The following USP24 variants were observed in gnomAD, a reference collection of about 807,000 sequenced individuals.
USP24 encodes the protein ubiquitin specific peptidase 24.
A neutral mutation model predicts 361.6 loss-of-function variants in USP24; 97 were observed. The ratio of observed to expected loss-of-function variants is 0.27; its 90% CI spans 0.23 to 0.32. USP24 has a LOEUF of 0.32. Among genes scored for constraint, USP24 ranks in the 10% least tolerant of loss-of-function variants. USP24 has a pLI of 1.00. For missense variants in USP24, 2,353 were observed against 3,165.6 expected, an observed-to-expected ratio of 0.74 and a Z score of 6.16; for synonymous variants, 1,098 against 1,124.6, an observed-to-expected ratio of 0.98 and a Z score of 0.47.
Position 55,106,322 on chromosome 1 carries a change from T to C in USP24, c.4763-59A>G, listed in dbSNP as rs577102133. On this transcript the variant is annotated intron_variant, in intron 40 of 67. Transcript: ENST00000294383. ...AACACATATTTTAATTCAAAGATCCTATCTTGCACTTTCTTATCAGAGCAG... is the reference window on the plus strand; with the variant it reads ...AACACATATTTTAATTCAAAGATCCCATCTTGCACTTTCTTATCAGAGCAG... 1.9e-4 allele frequency: 252 copies of C among 1,344,434 alleles called. 5 individuals are homozygous for C. In the South Asian group the frequency reaches 2.9e-3, roughly 15 times the overall value. The allele number at this position is 1,344,434 out of a possible 1,614,324, so 83.3% of individuals were successfully genotyped here. A position where few individuals can be genotyped will look rare whatever the true frequency, so the allele number is the denominator to read the frequency against.
intron 63 of USP24, 131 bp downstream of exon 63, chr1:55,075,325 GC>G: frequency 1.3e-6 from 1 of 776,512 alleles, no homozygotes; most frequent in Non-Finnish European, 2.0e-6. Flanking sequence ...GAGCCCAGTG[GC>G]CCTGACCAGA....
intron 1 of USP24, among the ~76,000 whole-genome samples, chr1:55,209,555 C>T (rs1362778246): frequency 6.6e-6 from 1 of 152,190 alleles, no homozygotes; most frequent in African/African-American, 2.4e-5. Flanking sequence ...GAGCTCATCA[C>T]CTTGTGTTTA....
In USP24 at chr1:55,120,740, C is replaced by T; in HGVS notation, c.4364G>A (p.Cys1455Tyr). The T allele has an allele frequency of 6.4e-7, 1 of 1,571,308 alleles. No individual in the cohort carries two copies. Among genetic ancestry groups the T allele is most frequent in the Non-Finnish European group, 8.6e-7 (1 of 1,158,048 alleles). ...CTGACTAAGAGTGTACAGCTGATCA[C>T]AGGCAACCCGGCGAATCTGAAATTA... is the stretch of plus-strand genomic sequence containing the variant. ...SPSAEIRRVACDQLYTLSQTD... is the reference protein window; with the variant it reads ...SPSAEIRRVAYDQLYTLSQTD... The change falls in exon 38 of 68, where the codon TGT becomes TAT. Residue 1455 changes from cysteine to tyrosine, a missense_variant. Transcript: ENST00000294383.
intron 1 of USP24, among the ~76,000 whole-genome samples, chr1:55,208,656 C>T (rs142588030): frequency 2.7e-5 from 4 of 150,760 alleles, no homozygotes; most frequent in African/African-American, 9.8e-5. Context: ...CAAAAAACAG[C>T]GCTGGGCACG....
chr1:55,101,271 T>C (rs1029658893), intron 43 of USP24, among the ~76,000 whole-genome samples: 1 of 152,208 alleles, frequency 6.6e-6, no homozygotes, highest in African/African-American at 2.4e-5. Flanking sequence ...AAAGTGCTCA[T>C]GGTAGACCCT....
chr1:55,131,756 G>C (rs922021019), intron 31 of USP24, among the ~76,000 whole-genome samples: 1 of 152,148 alleles, frequency 6.6e-6, no homozygotes, highest in Non-Finnish European at 1.5e-5. Context: ...TTTGACTTTT[G>C]TGTACTTAAG....
At chr1:55,147,453 AAAAAAAAGATGTT>A (rs1444911289) in intron 18 of USP24, among the ~76,000 whole-genome samples, 183 bp downstream of exon 18, 1 of 152,024 alleles carries the variant, frequency 6.6e-6, no homozygotes, top group African/African-American at 2.4e-5. Context: ...GATCAAAGAC[AAAAAAAAGATGTT>A]TATTCCTTCA....
intron 1 of USP24, 104 bp downstream of exon 1, chr1:55,214,686 G>A: frequency 1.0e-6 from 1 of 984,080 alleles, no homozygotes; most frequent in Non-Finnish European, 1.3e-6. Flanking sequence ...TAAAGCCCCA[G>A]TCGAATGCCC....
chr1:55,146,805 G>A, intron 19 of USP24, 124 bp downstream of exon 19: 1 of 1,138,750 alleles, frequency 8.8e-7, no homozygotes, highest in Non-Finnish European at 1.2e-6. Context: ...AGCACTTACA[G>A]TTCTTGGCCC....
chr1:55,176,194 A>G (rs975824840), intron 3 of USP24, among the ~76,000 whole-genome samples, 182 bp downstream of exon 3: 1 of 152,238 alleles, frequency 6.6e-6, no homozygotes, highest in African/African-American at 2.4e-5. Flanking sequence ...TAAAAGAAGT[A>G]AATCATTTAT....
chr1:55,207,482 T>C (rs906632860), intron 1 of USP24, among the ~76,000 whole-genome samples: 1 of 152,198 alleles, frequency 6.6e-6, no homozygotes, highest in Admixed American at 6.5e-5. Context: ...ATGGGTTCCA[T>C]ATCTGCAGAT....
At chr1:55,192,746 C>T (rs1644321986) in intron 1 of USP24, among the ~76,000 whole-genome samples, 1 of 152,108 alleles carries the variant, frequency 6.6e-6, no homozygotes, top group Non-Finnish European at 1.5e-5. Context: ...AAAATAATTC[C>T]TAAAATATTG....
rs17111650 is a variant in USP24, at chr1:55,124,634, G to T, written c.3961-6C>A. On this transcript the variant is annotated splice_region_variant and splice_polypyrimidine_tract_variant and intron_variant, in intron 34 of 67. Coordinates refer to ENST00000294383, the MANE Select transcript of USP24 (RefSeq NM_015306.3). ...AAATCACTTACTTCCATTGTCTAAA[G>T]AATGGAACAAGTATTATGAGAAAGA... 10,879 of 1,613,514 alleles carry T rather than the reference G, an allele frequency of 6.7e-3. 569 individuals carry two copies. The African/African-American group carries it at 0.13, about 19-fold the overall frequency.
intron 1 of USP24, among the ~76,000 whole-genome samples, chr1:55,212,602 T>G (rs1226572139): frequency 6.6e-6 from 1 of 152,224 alleles, no homozygotes; most frequent in South Asian, 2.1e-4. Flanking sequence ...ACACCAAGGA[T>G]GACCAAGAAG....
chr1:55,127,073 C>T (rs636585), intron 32 of USP24, among the ~76,000 whole-genome samples: 149,568 of 151,928 alleles, frequency 0.98, 73,661 homozygotes, highest in Non-Finnish European at 1. Context: ...AGTTTTTTTT[C>T]TAAATTATTA....
At chr1:55,127,332 C>T (rs887131753) in intron 32 of USP24, among the ~76,000 whole-genome samples, 5 of 152,006 alleles carry the variant, frequency 3.3e-5, no homozygotes, top group Non-Finnish European at 7.4e-5. Context: ...GTTTTTTGTC[C>T]TTGCAATAGT....
At chr1:55,187,881 G>A (rs561996058) in intron 1 of USP24, among the ~76,000 whole-genome samples, 2 of 152,038 alleles carry the variant, frequency 1.3e-5, no homozygotes, top group Non-Finnish European at 2.9e-5. Context: ...AACACAATCC[G>A]CATCAAAATT....
chr1:55,185,146 T>A (rs1284853000), intron 1 of USP24, among the ~76,000 whole-genome samples: 1 of 151,718 alleles, frequency 6.6e-6, no homozygotes, highest in Non-Finnish European at 1.5e-5. Flanking sequence ...AGAAATAGGG[T>A]TTTGTTTTGT....
intron 7 of USP24, among the ~76,000 whole-genome samples, chr1:55,165,549 A>G (rs1648744105): frequency 6.6e-6 from 1 of 152,096 alleles, no homozygotes; most frequent in Non-Finnish European, 1.5e-5. Flanking sequence ...ATTTTATATA[A>G]TCGTTTAACT....
Sources: gnomAD v4.1 joint callset for allele counts (sites outside exome capture counted in the v4.1 genomes callset) on GRCh38, gnomAD v4.1.1 for gene constraint, MANE v1.5 for transcripts, NCBI Gene and HGNC (gene_info 2026-07-23, HGNC 2026-07-21) for gene names.